Variants in DEPDC5 observed in about 807,000 individuals in gnomAD.
The protein encoded by DEPDC5 is DEP domain containing 5, GATOR1 subcomplex subunit.
Under a neutral mutation model 217.3 loss-of-function variants are expected in DEPDC5, and 73 were observed. That is an observed-to-expected ratio of 0.34 (90% CI 0.28 to 0.41). DEPDC5 has a LOEUF of 0.41. Among genes scored for constraint, DEPDC5 ranks in the 10% least tolerant of loss-of-function variants. DEPDC5 has a pLI of 1.00. For missense variants in DEPDC5, 1,675 were observed against 2,070.1 expected (o/e 0.81, Z 3.70); for synonymous variants, 733 against 756.7 (o/e 0.97, Z 0.51).
chr22:31,762,457 C>A (rs1601613827), intron 4 of DEPDC5, among the ~76,000 whole-genome samples: 1 of 152,236 alleles, frequency 6.6e-6, no homozygotes, highest in East Asian at 1.9e-4. Flanking sequence ...AAACAAAATT[C>A]TGGGTTGCTC....
intron 23 of DEPDC5, 21 bp downstream of exon 23, chr22:31,821,658 C>T: frequency 6.2e-7 from 1 of 1,605,704 alleles, no homozygotes; most frequent in Non-Finnish European, 8.5e-7. Flanking sequence ...GCACAGGGCT[C>T]TGGAAGGTAA....
chr22:31,815,252 T>C, intron 21 of DEPDC5, 40 bp downstream of exon 21: 1 of 1,608,544 alleles, frequency 6.2e-7, no homozygotes, highest in Non-Finnish European at 8.5e-7. Flanking sequence ...GGGACATCTT[T>C]CTTAATATAG....
At position 31,906,525 on chromosome 22, in the gene DEPDC5, G is replaced by A. The variant is rs191393863; in HGVS notation, c.*28G>A. 1.4e-5 allele frequency: 22 copies of A among 1,556,878 alleles called. No homozygotes were observed. In the African/African-American group the frequency reaches 2.3e-4, roughly 16 times the overall value. ...CCAGGCTGCACCTGTGCTGGGGGAA[G>A]GTGGGTGAGCCACTGCCCTCAAACC... On this transcript the variant is annotated 3_prime_UTR_variant, in exon 43 of 43. Coordinates refer to ENST00000651528, the MANE Select transcript of DEPDC5 (RefSeq NM_001242896.3). The surrounding 1 kb of genome is among the most constrained non-coding windows in gnomAD (Gnocchi z 5.1).
chr22:31,765,405 T>C (rs1031255150), intron 5 of DEPDC5, among the ~76,000 whole-genome samples: 1 of 152,116 alleles, frequency 6.6e-6, no homozygotes. Context: ...TTCTCCTGCC[T>C]CAGCCTCCTG....
At chr22:31,781,108 T>C (rs990110630) in intron 8 of DEPDC5, among the ~76,000 whole-genome samples, 2 of 151,396 alleles carry the variant, frequency 1.3e-5, no homozygotes, top group African/African-American at 4.9e-5. Flanking sequence ...CCCAGCTACT[T>C]GGGAGGCTGA....
chr22:31,827,050 C>T (rs1296287578), intron 24 of DEPDC5, among the ~76,000 whole-genome samples: 3 of 152,052 alleles, frequency 2.0e-5, no homozygotes, highest in Non-Finnish European at 4.4e-5. Flanking sequence ...CATACCACCA[C>T]ACCTGGCTTA....
At chr22:31,831,302 G>A (rs1602246843) in intron 24 of DEPDC5, 1 of 152,318 alleles carries the variant, frequency 6.6e-6, no homozygotes, top group East Asian at 1.9e-4. Context: ...ATCTACTGGT[G>A]TGGGTTTGAA....
In DEPDC5 at chr22:31,906,074, G is replaced by C; in HGVS notation, c.4519+8G>C. On this transcript the variant is annotated splice_region_variant and intron_variant, in intron 42 of 42. Transcript: ENST00000651528. The surrounding 1 kb of genome is among the most constrained non-coding windows in gnomAD (Gnocchi z 5.1). ...AGTATATCCACGTTACAGGTGAGGA[G>C]CTACGGGCAGAGTTGGGCAGGTGGG... 1 of 1,614,146 alleles carries C rather than the reference G, an allele frequency of 6.2e-7. No homozygotes were observed. Among genetic ancestry groups the C allele is most frequent in the Non-Finnish European group, 8.5e-7 (1 of 1,180,014 alleles).
At chr22:31,830,747 A>G (rs2090537791) in intron 24 of DEPDC5, among the ~76,000 whole-genome samples, 1 of 148,414 alleles carries the variant, frequency 6.7e-6, no homozygotes, top group East Asian at 2.0e-4. Context: ...AAGTTGAACT[A>G]TTTCTTTTCT....
intron 21 of DEPDC5, chr22:31,815,455 C>A: frequency 1.5e-6 from 1 of 680,086 alleles, no homozygotes. Flanking sequence ...TCACAGCTCA[C>A]CTCAGTGCGG....
rs369475519 is a variant in DEPDC5 at position 31,822,659 on chromosome 22, A to G, written c.2007-34A>G. ...GCAGGAAAAAGAGGTGATGATCTAC[A>G]TTAAGCCAGGTGGCTGGGCTCTGTT... On this transcript the variant is annotated intron_variant, in intron 23 of 42. Transcript: ENST00000651528. 18 of 1,609,320 alleles carry G rather than the reference A, an allele frequency of 1.1e-5. No homozygotes were observed. In the East Asian group the frequency reaches 3.1e-4, roughly 28 times the overall value.
At chr22:31,764,944 T>C (rs553981969) in intron 4 of DEPDC5, 31 bp from the exon 5 acceptor site, 3 of 1,550,950 alleles carry the variant, frequency 1.9e-6, no homozygotes, top group Middle Eastern at 1.7e-4. Context: ...TCAAAATATG[T>C]TATCTGAGCC....
intron 26 of DEPDC5, among the ~76,000 whole-genome samples, chr22:31,838,114 G>A (rs577022997): frequency 2.7e-4 from 41 of 152,146 alleles, no homozygotes; most frequent in African/African-American, 8.9e-4. Context: ...TGGCTTTGAT[G>A]TTTATTCTCA....
At chr22:31,887,475 G>A (rs1211719354) in intron 38 of DEPDC5, among the ~76,000 whole-genome samples, 1 of 151,286 alleles carries the variant, frequency 6.6e-6, no homozygotes, top group Non-Finnish European at 1.5e-5. Flanking sequence ...AGGGAGATTT[G>A]GGAAGAAGAG....
chr22:31,798,294 C>T (rs1054152159), intron 13 of DEPDC5, among the ~76,000 whole-genome samples: 2 of 152,072 alleles, frequency 1.3e-5, no homozygotes, highest in Admixed American at 6.6e-5. Context: ...ACAAGGCAGG[C>T]GGATCACGAG....
At chr22:31,828,909 G>T (rs546052795) in intron 24 of DEPDC5, among the ~76,000 whole-genome samples, 1 of 152,242 alleles carries the variant, frequency 6.6e-6, no homozygotes, top group Non-Finnish European at 1.5e-5. Flanking sequence ...AAGCCGTCTT[G>T]TGGGGGATTG....
At chr22:31,886,491 G>A (rs1040854118) in intron 38 of DEPDC5, among the ~76,000 whole-genome samples, 1 of 152,248 alleles carries the variant, frequency 6.6e-6, no homozygotes, top group Admixed American at 6.5e-5. Flanking sequence ...CAGGCATGGT[G>A]GCTCACGGCT....
At chr22:31,829,147 G>A (rs1363731621) in intron 24 of DEPDC5, among the ~76,000 whole-genome samples, 1 of 152,186 alleles carries the variant, frequency 6.6e-6, no homozygotes, top group African/African-American at 2.4e-5. Context: ...AAAGTAGGTT[G>A]GGTACATTAT....
intron 41 of DEPDC5, 104 bp from the exon 42 acceptor site, chr22:31,905,880 T>G: frequency 1.0e-6 from 1 of 1,000,012 alleles, no homozygotes; most frequent in Non-Finnish European, 1.5e-6. Flanking sequence ...TCTTTCCAGA[T>G]CTCTGTGTCT....
Sources: allele counts gnomAD v4.1 joint callset (sites outside exome capture counted in the v4.1 genomes callset), GRCh38; gene constraint gnomAD v4.1.1; non-coding constraint Gnocchi (gnomAD v3.1); transcripts MANE v1.5; gene names NCBI Gene and HGNC (gene_info 2026-07-23, HGNC 2026-07-21).